Variants in P4HA2 observed in about 807,000 individuals in gnomAD.
The protein encoded by P4HA2 is prolyl 4-hydroxylase subunit alpha-2.
P4HA2 carries 46 observed loss-of-function variants against 76.9 expected under a neutral mutation model. The observed-to-expected ratio is 0.60, with a 90% CI of 0.47 to 0.76. P4HA2 has a LOEUF of 0.76. Among genes scored for constraint, P4HA2 ranks in the 30% least tolerant of loss-of-function variants. P4HA2 has a pLI of 0.00. For missense variants in P4HA2, 583 were observed against 669.4 expected (o/e 0.87, Z 1.42); for synonymous variants, 243 against 254.0 (o/e 0.96, Z 0.41).
At chr5:132,225,331 C>T (rs140663748) in intron 1 of P4HA2, among the ~76,000 whole-genome samples, 1 of 152,192 alleles carries the variant, frequency 6.6e-6, no homozygotes, top group Non-Finnish European at 1.5e-5. Context: ...GAGCCAGGGA[C>T]ACACCTCCTA....
intron 4 of P4HA2, among the ~76,000 whole-genome samples, chr5:132,214,376 G>A (rs1041866050): frequency 2.6e-5 from 4 of 152,182 alleles, no homozygotes; most frequent in African/African-American, 9.7e-5. Flanking sequence ...GGAGACAGAA[G>A]AAACAGAGGA....
chr5:132,195,497 T>C lies in P4HA2; in HGVS notation c.1366-17A>G, dbSNP rs1345739194. 6.2e-7 allele frequency: 1 copy of C among 1,600,330 alleles called. No homozygotes were observed. The highest frequency in any genetic ancestry group is 1.7e-5 in the Admixed American group (1 of 59,968). Reference sequence around the variant, plus strand: ...ATCACTCATCTGGAAATATAAGACATAGAGCTTGACCCTCCTACCCAAGGC... The same window carrying C: ...ATCACTCATCTGGAAATATAAGACACAGAGCTTGACCCTCCTACCCAAGGC... On this transcript the variant is annotated splice_polypyrimidine_tract_variant and intron_variant, in intron 12 of 14. Transcript: ENST00000360568.
intron 8 of P4HA2, among the ~76,000 whole-genome samples, chr5:132,206,981 A>G (rs1223689672): frequency 1.3e-5 from 2 of 152,258 alleles, no homozygotes; most frequent in Non-Finnish European, 2.9e-5. Context: ...TGACATCATT[A>G]TGAGCAGCTG....
intron 4 of P4HA2, among the ~76,000 whole-genome samples, chr5:132,216,144 C>T (rs866258880): frequency 9.2e-6 from 1 of 108,190 alleles, no homozygotes; most frequent in South Asian, 3.2e-4. Context: ...AGCCTGGTGA[C>T]AGAGTGAGAC....
At chr5:132,224,338 A>G (rs1042321201) in intron 1 of P4HA2, among the ~76,000 whole-genome samples, 2 of 152,374 alleles carry the variant, frequency 1.3e-5, no homozygotes, top group East Asian at 3.9e-4. Context: ...ACTAGGACCT[A>G]TATCTCATAG....
intron 1 of P4HA2, among the ~76,000 whole-genome samples, chr5:132,218,902 C>CA (rs1002479701): frequency 1.3e-5 from 2 of 152,236 alleles, no homozygotes; most frequent in Non-Finnish European, 2.9e-5. Context: ...TCCCAGCAAC[C>CA]ACCTGTACCA....
intron 5 of P4HA2, among the ~76,000 whole-genome samples, chr5:132,210,750 C>T (rs1056997960): frequency 3.3e-5 from 5 of 152,128 alleles, no homozygotes; most frequent in African/African-American, 1.2e-4. Context: ...GCCTCAGATT[C>T]CCCATCTCCC....
chr5:132,202,442 G>T (rs1751638021), intron 10 of P4HA2: 1 of 152,160 alleles, frequency 6.6e-6, no homozygotes, highest in Admixed American at 6.5e-5. Context: ...ATTCTAATGA[G>T]ATCTATGGTA....
At chr5:132,208,590 G>A (rs1409422436) in intron 7 of P4HA2, among the ~76,000 whole-genome samples, 1 of 151,714 alleles carries the variant, frequency 6.6e-6, no homozygotes, top group East Asian at 1.9e-4. Flanking sequence ...CCCTTTTCGT[G>A]AAGACTTGAG....
rs368519123 is a variant in P4HA2 at position 132,210,539 on chromosome 5, T to A, written c.470-16A>T. 22 of 1,613,446 alleles carry A rather than the reference T, an allele frequency of 1.4e-5. No homozygotes were observed. The highest frequency in any genetic ancestry group is 1.8e-5 in the Non-Finnish European group (21 of 1,179,710). Reference sequence around the variant, plus strand: ...TACTTGGTTCCTACAGCAGGGGAAGTAAATTGTCAGGCTCCAAAGAGCCTC... The same window carrying A: ...TACTTGGTTCCTACAGCAGGGGAAGAAAATTGTCAGGCTCCAAAGAGCCTC... On this transcript the variant is annotated splice_polypyrimidine_tract_variant and intron_variant, in intron 5 of 14. Transcript: ENST00000360568.
intron 7 of P4HA2, among the ~76,000 whole-genome samples, chr5:132,208,503 C>G (rs1253919232): frequency 6.7e-6 from 1 of 148,810 alleles, no homozygotes; most frequent in East Asian, 2.0e-4. Context: ...AAATAACACC[C>G]CACAAATCAT....
chr5:132,209,028 A>G, intron 7 of P4HA2, 110 bp downstream of exon 7: 1 of 749,090 alleles, frequency 1.3e-6, no homozygotes, highest in Non-Finnish European at 2.2e-6. Context: ...ACTGGGGGAT[A>G]TACTGAGAAA....
chr5:132,220,105 G>A (rs1293710046), intron 1 of P4HA2, among the ~76,000 whole-genome samples: 1 of 152,242 alleles, frequency 6.6e-6, no homozygotes, highest in African/African-American at 2.4e-5. Context: ...TAGGGAGTTA[G>A]AGCAGCAGAA....
chr5:132,191,599 A>C lies in P4HA2; in HGVS notation c.*1411T>G, dbSNP rs1215485648. Among the ~76,000 whole-genome samples the C allele has an allele frequency of 6.6e-6, 1 of 152,166 alleles. No individual in the cohort carries two copies. The highest frequency in any genetic ancestry group is 2.4e-5 in the African/African-American group (1 of 41,434). ...GTCCGTAACATGTACCAAGCTAGCT[A>C]AAATTCAAAAGTATGAAAATACTAA... On this transcript the variant is annotated 3_prime_UTR_variant, in exon 15 of 15. Transcript: ENST00000360568.
rs752580251 is a variant in P4HA2 at position 132,207,764 on chromosome 5, A to C, written c.1024T>G (p.Tyr342Asp). The change falls in exon 8 of 15, where the codon TAC (tyrosine) becomes GAC (aspartate). Residue 342 changes from tyrosine to aspartate, a missense_variant. Coordinates refer to ENST00000360568, the MANE Select transcript of P4HA2 (RefSeq NM_001017974.2). Reference protein sequence around the residue: ...EWDSPHIVRYYDVMSDEEIER... With the variant: ...EWDSPHIVRYDDVMSDEEIER... ...ATTTCCTCATCAGACATGACATCGT[A>C]GTACCTGACGATGTGCGGGCTGTCC... 6.2e-7 allele frequency: 1 copy of C among 1,613,892 alleles called. No homozygotes were observed. Among genetic ancestry groups the C allele is most frequent in the East Asian group, 2.2e-5 (1 of 44,862 alleles).
chr5:132,194,320 T>G (rs553576979), intron 14 of P4HA2, among the ~76,000 whole-genome samples: 1 of 152,250 alleles, frequency 6.6e-6, no homozygotes, highest in Non-Finnish European at 1.5e-5. Context: ...CTATCACTAT[T>G]TATCTTCAAA....
intron 2 of P4HA2, 94 bp downstream of exon 2, chr5:132,218,451 C>A: frequency 1.2e-6 from 1 of 835,948 alleles, no homozygotes. Flanking sequence ...GTAGTTAAGG[C>A]TATCCCACTC....
chr5:132,205,226 G>A (rs1163258960), intron 8 of P4HA2, among the ~76,000 whole-genome samples: 1 of 152,176 alleles, frequency 6.6e-6, no homozygotes, highest in African/African-American at 2.4e-5. Context: ...CCTAGGGGAG[G>A]AGACCACCTA....
chr5:132,218,396 C>A (rs1754214469), intron 2 of P4HA2, 149 bp downstream of exon 2: 1 of 564,056 alleles, frequency 1.8e-6, no homozygotes, highest in East Asian at 3.0e-5. Context: ...TAGGGGAAAA[C>A]AGCAACTCTG....
Sources: gnomAD v4.1 joint callset for allele counts (sites outside exome capture counted in the v4.1 genomes callset) on GRCh38, gnomAD v4.1.1 for gene constraint, MANE v1.5 for transcripts, NCBI Gene and HGNC (gene_info 2026-07-23, HGNC 2026-07-21) for gene names.